The following KATNAL1 variants were observed in gnomAD, a reference collection of about 807,000 sequenced individuals.
The protein encoded by KATNAL1 is katanin p60 ATPase-containing subunit A-like 1.
KATNAL1 carries 32 observed loss-of-function variants against 55.2 expected under a neutral mutation model. The ratio of observed to expected loss-of-function variants is 0.58; its 90% CI spans 0.44 to 0.78. The LOEUF (loss-of-function observed/expected upper bound fraction) is 0.78. KATNAL1 is among the 30% of genes least tolerant of loss of function. The probability of loss-of-function intolerance (pLI) is 0.00; values close to 1 mark genes in which losing one functional copy is unlikely to be tolerated. For synonymous variants in KATNAL1, 193 were observed against 193.6 expected, an observed-to-expected ratio of 1.00 and a Z score of 0.02; for missense variants, 466 against 600.9, an observed-to-expected ratio of 0.78 and a Z score of 2.35.
chr13:30,294,193 AGAAAT>A (rs1882325382), intron 1 of KATNAL1, among the ~76,000 whole-genome samples: 2 of 152,252 alleles, frequency 1.3e-5, no homozygotes, highest in South Asian at 4.1e-4. Flanking sequence ...ATCAAGGGCC[AGAAAT>A]GACTAAGCTT....
At chr13:30,258,437 C>A (rs998253075) in intron 3 of KATNAL1, among the ~76,000 whole-genome samples, 1 of 151,982 alleles carries the variant, frequency 6.6e-6, no homozygotes, top group African/African-American at 2.4e-5. Context: ...TTGCTCTTTT[C>A]TTTATTTTTG....
At chr13:30,224,253 GAA>G (rs1875212696) in intron 9 of KATNAL1, among the ~76,000 whole-genome samples, 1 of 151,872 alleles carries the variant, frequency 6.6e-6, no homozygotes, top group South Asian at 2.1e-4. Flanking sequence ...ATTTAAAAAA[GAA>G]AAAAAGGCCA....
At chr13:30,279,936 A>C in intron 3 of KATNAL1, 127 bp downstream of exon 3, 3 of 757,184 alleles carry the variant, frequency 4.0e-6, no homozygotes, top group Non-Finnish European at 6.3e-6. Context: ...TATAAATGTG[A>C]ATATTAAAAA....
chr13:30,301,541 T>A (rs1882856167), intron 1 of KATNAL1, among the ~76,000 whole-genome samples: 2 of 152,160 alleles, frequency 1.3e-5, no homozygotes, highest in Admixed American at 1.3e-4. Flanking sequence ...TACAAAACAG[T>A]AACAGTTACC....
chr13:30,238,343 T>A (rs544046031), intron 6 of KATNAL1, among the ~76,000 whole-genome samples: 1 of 152,204 alleles, frequency 6.6e-6, no homozygotes, highest in African/African-American at 2.4e-5. Flanking sequence ...GTCATGGAGA[T>A]GTTTCATAAC....
intron 3 of KATNAL1, among the ~76,000 whole-genome samples, chr13:30,261,991 A>G (rs1184404561): frequency 6.6e-6 from 1 of 152,200 alleles, no homozygotes; most frequent in Non-Finnish European, 1.5e-5. Context: ...CATCAAATGT[A>G]AAAGAACAGA....
At chr13:30,216,783 T>A (rs940665378) in intron 9 of KATNAL1, among the ~76,000 whole-genome samples, 2 of 152,200 alleles carry the variant, frequency 1.3e-5, no homozygotes, top group South Asian at 2.1e-4. Context: ...GATGTTAACA[T>A]AAGAGCATCA....
chr13:30,266,983 T>C (rs562409710), intron 3 of KATNAL1, among the ~76,000 whole-genome samples: 15 of 152,356 alleles, frequency 9.8e-5, no homozygotes, highest in African/African-American at 3.4e-4. Flanking sequence ...GTGTTTCGGA[T>C]GAGCCATACT....
chr13:30,212,242 G>A (rs936090994), intron 9 of KATNAL1, among the ~76,000 whole-genome samples: 1 of 152,138 alleles, frequency 6.6e-6, no homozygotes, highest in African/African-American at 2.4e-5. Flanking sequence ...AGATACTGTC[G>A]ACACAGTGAA....
At chr13:30,235,162 C>G (rs1437340170) in intron 6 of KATNAL1, among the ~76,000 whole-genome samples, 1 of 152,164 alleles carries the variant, frequency 6.6e-6, no homozygotes, top group Non-Finnish European at 1.5e-5. Context: ...ATTTGTGTTG[C>G]TACAAAGAAA....
At chr13:30,239,054 G>A in intron 6 of KATNAL1, among the ~76,000 whole-genome samples, 1 of 152,072 alleles carries the variant, frequency 6.6e-6, no homozygotes, top group East Asian at 1.9e-4. Context: ...TTTACATTTT[G>A]AGACCAATTT....
chr13:30,306,795 G>A (rs1462662035), intron 1 of KATNAL1: 2 of 152,308 alleles, frequency 1.3e-5, no homozygotes, highest in Non-Finnish European at 2.9e-5. Context: ...AACCTGCGAG[G>A]GTCAGAGGCG....
intron 3 of KATNAL1, among the ~76,000 whole-genome samples, chr13:30,273,091 C>G (rs1180738118): frequency 6.6e-6 from 1 of 152,236 alleles, no homozygotes; most frequent in Non-Finnish European, 1.5e-5. Context: ...AGTTGTCCAT[C>G]TAGCCCATGC....
chr13:30,253,615 A>C (rs1353788209), intron 4 of KATNAL1, among the ~76,000 whole-genome samples: 1 of 140,610 alleles, frequency 7.1e-6, no homozygotes, highest in Non-Finnish European at 1.5e-5. Context: ...CAGTGAGCTG[A>C]GGTTGTGCCA....
intron 6 of KATNAL1, among the ~76,000 whole-genome samples, chr13:30,236,014 A>C (rs1227885160): frequency 6.6e-6 from 1 of 152,222 alleles, no homozygotes; most frequent in Non-Finnish European, 1.5e-5. Context: ...TTTATTATTC[A>C]TTAAATGGAA....
In KATNAL1 at chr13:30,283,824, T is replaced by G. The variant is rs140190721; in HGVS notation, c.-14-33A>C. 289 of 1,440,700 alleles carry G rather than the reference T, an allele frequency of 2.0e-4. 1 individual carries two copies. The African/African-American group carries it at 3.6e-3, about 18-fold the overall frequency. 89.2% of individuals were successfully genotyped at this position (1,440,700 alleles called of 1,614,324 possible). The stretch of plus-strand genomic sequence containing the variant: ...TAAAATATAATGACTTTTTAAAAAT[T>G]TTCAGCACTGACTTTAAAACATTTA... On this transcript the variant is annotated intron_variant, in intron 1 of 10. Transcript: ENST00000380615.
At chr13:30,241,110 G>A in intron 4 of KATNAL1, 24 bp from the exon 5 acceptor site, 1 of 1,596,546 alleles carries the variant, frequency 6.3e-7, no homozygotes, top group East Asian at 2.2e-5. Flanking sequence ...TAAAAAAAAA[G>A]TACTAGTCAG....
chr13:30,225,773 T>A lies in KATNAL1; in HGVS notation c.1147+1639A>T, dbSNP rs184937019. Among the ~76,000 whole-genome samples, 425 of 151,618 alleles carry A rather than the reference T, an allele frequency of 2.8e-3. 4 individuals are homozygous for A. Among genetic ancestry groups the A allele is most frequent in the African/African-American group, 9.8e-3 (403 of 41,314 alleles). Reference sequence around the variant, plus strand: ...TTTGCAGCTTTGGGATAGACAAGATTTCTTAAGACACAAAAAGTACTATTC... The same window carrying A: ...TTTGCAGCTTTGGGATAGACAAGATATCTTAAGACACAAAAAGTACTATTC... On this transcript the variant is annotated intron_variant, in intron 9 of 10. Transcript: ENST00000380615.
At chr13:30,234,621 C>T (rs1279029911) in intron 6 of KATNAL1, among the ~76,000 whole-genome samples, 1 of 152,184 alleles carries the variant, frequency 6.6e-6, no homozygotes, top group Non-Finnish European at 1.5e-5. Context: ...ACAAACTCAT[C>T]CATACCCAGA....
Sources: gnomAD v4.1 joint callset for allele counts (sites outside exome capture counted in the v4.1 genomes callset) on GRCh38, gnomAD v4.1.1 for gene constraint, MANE v1.5 for transcripts, NCBI Gene and HGNC (gene_info 2026-07-23, HGNC 2026-07-21) for gene names.